The following NDUFA10 variants were observed in gnomAD, a reference collection of about 807,000 sequenced individuals.
NDUFA10 encodes the protein NADH dehydrogenase [ubiquinone] 1 alpha subcomplex subunit 10, mitochondrial.
In NDUFA10, 40 loss-of-function variants were observed where a neutral mutation model predicts 47.8. That is an observed-to-expected ratio of 0.84 (90% confidence interval 0.65 to 1.09). NDUFA10 has a LOEUF of 1.09. NDUFA10 is among the 50% of genes least tolerant of loss of function. The probability of loss-of-function intolerance (pLI) is 0.00; values close to 1 mark genes in which losing one functional copy is unlikely to be tolerated. For synonymous variants in NDUFA10, 183 were observed against 172.2 expected (o/e 1.06, Z -0.49); for missense variants, 413 against 451.1 (o/e 0.92, Z 0.76).
intron 8 of NDUFA10, among the ~76,000 whole-genome samples, chr2:239,990,916 C>T (rs142859876): frequency 1.3e-3 from 198 of 151,766 alleles, no homozygotes; most frequent in African/African-American, 4.6e-3. Context: ...GAAAAAAAAA[C>T]ATTAAAATAA....
rs1295013346 is a variant in NDUFA10 at position 239,918,963 on chromosome 2, G to A, written c.295-23649C>T. On this transcript the variant is annotated intron_variant, in intron 4 of 5. Coordinates refer to the NDUFA10 transcript ENST00000419408. ...CCATCCCCACTCACAGCAGGTGGGA[G>A]GCCAATGGCAGGGACACAGTAACCG... 2.6e-5 allele frequency among the ~76,000 whole-genome samples: 4 copies of A among 152,318 alleles called. No individual in the cohort carries two copies. The East Asian group carries it at 7.7e-4, about 29-fold the overall frequency.
chr2:240,025,191 C>G (rs1697811673), intron 1 of NDUFA10, 36 bp downstream of exon 1: 4 of 1,115,256 alleles, frequency 3.6e-6, no homozygotes, highest in Non-Finnish European at 4.8e-6. Flanking sequence ...CGCCACCCTG[C>G]CACCCCGCCA....
chr2:239,963,184 T>G (rs181869779), intron 9 of NDUFA10, among the ~76,000 whole-genome samples: 4 of 152,172 alleles, frequency 2.6e-5, no homozygotes, highest in Admixed American at 2.6e-4. Flanking sequence ...CTTCAGGAGT[T>G]TGAAATCTGA....
chr2:239,974,766 C>CA (rs1170791265), intron 9 of NDUFA10, among the ~76,000 whole-genome samples: 1 of 151,616 alleles, frequency 6.6e-6, no homozygotes, highest in African/African-American at 2.4e-5. Context: ...GACACTCTGC[C>CA]ACCAAAGATC....
intron 5 of NDUFA10, chr2:240,013,063 C>A (rs2106484101): frequency 6.6e-6 from 1 of 152,240 alleles, no homozygotes; most frequent in South Asian, 2.1e-4. Context: ...TAATATAAGC[C>A]CATAACATGC....
At chr2:239,921,144 G>A (rs1252752754) in intron 4 of NDUFA10, among the ~76,000 whole-genome samples, 4 of 152,080 alleles carry the variant, frequency 2.6e-5, no homozygotes, top group Non-Finnish European at 4.4e-5. Flanking sequence ...CTTTAGGGCA[G>A]GTCACAACCT....
intron 9 of NDUFA10, among the ~76,000 whole-genome samples, chr2:239,978,543 A>C (rs1234427072): frequency 2.0e-5 from 3 of 152,126 alleles, no homozygotes; most frequent in Non-Finnish European, 1.5e-5. Flanking sequence ...CCCCGATTGG[A>C]TCACTCACAA....
chr2:239,920,407 C>T (rs1693949898), intron 4 of NDUFA10, among the ~76,000 whole-genome samples: 1 of 152,218 alleles, frequency 6.6e-6, no homozygotes, highest in Non-Finnish European at 1.5e-5. Context: ...CAGCCCCGTC[C>T]TGGGGCAGAT....
In NDUFA10 at chr2:239,987,059, A is replaced by G. The variant is rs995289866; in HGVS notation, c.999+3015T>C. The stretch of plus-strand genomic sequence containing the variant: ...CAGATTCAAAGAGATGTAGCAGAGG[A>G]AACAATTCAATGCAGGCCATCACCC... On this transcript the variant is annotated intron_variant, in intron 9 of 9. Transcript: ENST00000252711. This position sits in a 1 kb window ranked among gnomAD's most constrained non-coding sequence, Gnocchi z 4.8. Among the ~76,000 whole-genome samples the G allele has an allele frequency of 6.6e-6, 1 of 152,200 alleles. No individual in the cohort carries two copies. The highest frequency in any genetic ancestry group is 1.5e-5 in the Non-Finnish European group (1 of 68,034).
chr2:239,944,106 C>T (rs960700764), intron 4 of NDUFA10, among the ~76,000 whole-genome samples: 4 of 152,160 alleles, frequency 2.6e-5, no homozygotes, highest in Non-Finnish European at 5.9e-5. Flanking sequence ...CACCGGTGCC[C>T]GCAAAATGAG....
intron 8 of NDUFA10, among the ~76,000 whole-genome samples, chr2:239,998,837 A>C (rs1285203825): frequency 6.6e-6 from 1 of 152,176 alleles, no homozygotes; most frequent in African/African-American, 2.4e-5. Context: ...GAGCCTGTGC[A>C]TGGATTTCTC....
At chr2:239,919,438 G>A (rs1003671271) in intron 4 of NDUFA10, among the ~76,000 whole-genome samples, 5 of 152,054 alleles carry the variant, frequency 3.3e-5, no homozygotes, top group African/African-American at 1.2e-4. Flanking sequence ...CGAGGGCAGG[G>A]GCATCCTCAC....
chr2:240,009,896 C>T (rs1308931998), intron 6 of NDUFA10, among the ~76,000 whole-genome samples: 5 of 152,080 alleles, frequency 3.3e-5, no homozygotes, highest in African/African-American at 9.7e-5. Flanking sequence ...TATACAAGCC[C>T]GGGAAACCTA....
At chr2:239,892,469 G>T (rs116433697) in exon 6 of NDUFA10, 1 of 152,172 alleles carries the variant, frequency 6.6e-6, no homozygotes, top group Non-Finnish European at 1.5e-5. Flanking sequence ...TACCCAAGTC[G>T]CCTGAAGCTT....
intron 4 of NDUFA10, among the ~76,000 whole-genome samples, chr2:239,916,316 T>C (rs914508699): frequency 1.4e-4 from 20 of 146,214 alleles, no homozygotes; most frequent in Admixed American, 1.3e-3. Flanking sequence ...CAGACACAGA[T>C]ACACAAACAT....
Position 239,961,026 on chromosome 2 carries a change from C to A in NDUFA10, c.*92G>T. On this transcript the variant is annotated 3_prime_UTR_variant, in exon 10 of 10. Coordinates refer to ENST00000252711, the MANE Select transcript of NDUFA10 (RefSeq NM_004544.4). ...GTGCAATTTTTGCATTATTTACCCT[C>A]CCCCGATCTTAAAGCTATATGGCGT... 1 of 1,590,472 alleles carries A rather than the reference C, an allele frequency of 6.3e-7. No individual in the cohort carries two copies. Among genetic ancestry groups the A allele is most frequent in the Non-Finnish European group, 8.6e-7 (1 of 1,169,166 alleles).
chr2:239,965,110 T>C (rs1054445009), intron 9 of NDUFA10, among the ~76,000 whole-genome samples: 1 of 152,102 alleles, frequency 6.6e-6, no homozygotes. Context: ...TCTTTGCAAA[T>C]AGAATTTTAA....
At position 239,961,069 on chromosome 2, in the gene NDUFA10, ATGCAGCT is replaced by A. The variant is rs1357357055; in HGVS notation, c.*42_*48del. 2.5e-6 allele frequency: 4 copies of A among 1,613,300 alleles called. No homozygotes were observed. Among genetic ancestry groups the A allele is most frequent in the Non-Finnish European group, 3.4e-6 (4 of 1,179,746 alleles). ...TATGGCGTCCAGGAGAGTGCGGCTG[ATGCAGCT>A]TGGCCATCACTGTGATGCAGCTGGA... On this transcript the variant is annotated 3_prime_UTR_variant, in exon 10 of 10. Transcript: ENST00000252711.
At chr2:239,941,308 C>T (rs1357033023) in intron 4 of NDUFA10, among the ~76,000 whole-genome samples, 2 of 152,170 alleles carry the variant, frequency 1.3e-5, no homozygotes, top group African/African-American at 2.4e-5. Context: ...GGGAGTGGCA[C>T]ATAGGGTAAA....
Sources: allele counts gnomAD v4.1 joint callset (sites outside exome capture counted in the v4.1 genomes callset), GRCh38; gene constraint gnomAD v4.1.1; non-coding constraint Gnocchi (gnomAD v3.1); transcripts MANE v1.5; gene names NCBI Gene and HGNC (gene_info 2026-07-23, HGNC 2026-07-21).